The following PIGK variants were observed in gnomAD, a reference collection of about 807,000 sequenced individuals.
PIGK encodes GPI-anchor transamidase.
Under a neutral mutation model 50.6 loss-of-function variants are expected in PIGK, and 42 were observed. The ratio of observed to expected loss-of-function variants is 0.83; its 90% confidence interval spans 0.65 to 1.07. The LOEUF is 1.07. Ranked by LOEUF, PIGK falls within the 50% of genes least tolerant of loss-of-function variation. The pLI is 0.00. For synonymous variants in PIGK, 151 were observed against 156.0 expected, an observed-to-expected ratio of 0.97 and a Z score of 0.24; for missense variants, 448 against 488.7, an observed-to-expected ratio of 0.92 and a Z score of 0.78.
chr1:77,171,768 T>C (rs982446140), intron 3 of PIGK, among the ~76,000 whole-genome samples: 2 of 148,138 alleles, frequency 1.4e-5, no homozygotes, highest in Non-Finnish European at 2.9e-5. Flanking sequence ...TAATTCACTG[T>C]TTCTAAAACT....
At chr1:77,194,344 C>A (rs1232412194) in intron 3 of PIGK, among the ~76,000 whole-genome samples, 1 of 151,742 alleles carries the variant, frequency 6.6e-6, no homozygotes, top group Non-Finnish European at 1.5e-5. Context: ...GAATATAAGT[C>A]ATTCTACTTT....
At chr1:77,189,311 G>T (rs375745448) in intron 3 of PIGK, among the ~76,000 whole-genome samples, 1 of 152,134 alleles carries the variant, frequency 6.6e-6, no homozygotes, top group South Asian at 2.1e-4. Context: ...GTTGACAAGG[G>T]ATAGACTTGT....
intron 9 of PIGK, among the ~76,000 whole-genome samples, chr1:77,149,627 G>T (rs1231592700): frequency 2.0e-5 from 3 of 152,004 alleles, no homozygotes; most frequent in Non-Finnish European, 4.4e-5. Flanking sequence ...TAAAGGAAGA[G>T]GCAAACTGTA....
chr1:77,133,584 T>C (rs1654430281), intron 9 of PIGK, among the ~76,000 whole-genome samples: 1 of 152,206 alleles, frequency 6.6e-6, no homozygotes, highest in Admixed American at 6.5e-5. Flanking sequence ...AGAAAGGTTA[T>C]ATACAGTGTT....
intron 9 of PIGK, among the ~76,000 whole-genome samples, chr1:77,123,353 G>A (rs946538727): frequency 4.6e-5 from 7 of 152,116 alleles, no homozygotes; most frequent in Admixed American, 2.0e-4. Context: ...GATTGGCTAA[G>A]TCTCTAGGGC....
In PIGK at chr1:77,147,932, C is replaced by A. The variant is rs1654807061; in HGVS notation, c.986+6517G>T. 5.9e-5 allele frequency among the ~76,000 whole-genome samples: 9 copies of A among 152,270 alleles called. No homozygotes were observed. The South Asian group carries it at 1.7e-3, about 28-fold the overall frequency. ...AATTCTTATTTCATAAAGGTACTCCCAATCAGTTTTATGTACTAAAGTTCT... is the reference window on the plus strand; with the variant it reads ...AATTCTTATTTCATAAAGGTACTCCAAATCAGTTTTATGTACTAAAGTTCT... On this transcript the variant is annotated intron_variant, in intron 9 of 10. Transcript: ENST00000370812.
At chr1:77,203,177 T>C (rs1656210264) in intron 3 of PIGK, among the ~76,000 whole-genome samples, 2 of 152,186 alleles carry the variant, frequency 1.3e-5, no homozygotes. Flanking sequence ...AACTGCAATT[T>C]ATGTGCTATT....
chr1:77,187,143 A>G (rs541936004), intron 3 of PIGK, among the ~76,000 whole-genome samples: 5 of 152,188 alleles, frequency 3.3e-5, no homozygotes, highest in Non-Finnish European at 7.3e-5. Context: ...TGGTCTTACC[A>G]TGTTCCCCAT....
rs1653261597 is a variant in PIGK at position 77,090,028 on chromosome 1, A to G, written c.*2346T>C. ...AAAGCTACATAAGTGCACTGTGACC[A>G]TTAACTTCCCCTTTGGTATCCTCCT... On this transcript the variant is annotated 3_prime_UTR_variant, in exon 11 of 11. Coordinates refer to ENST00000370812, the MANE Select transcript of PIGK (RefSeq NM_005482.3). 2 of 152,248 alleles carry G rather than the reference A, an allele frequency of 1.3e-5. No homozygotes were observed. Among genetic ancestry groups the G allele is most frequent in the Admixed American group, 1.3e-4 (2 of 15,288 alleles). 9.4% of individuals were successfully genotyped at this position (152,248 alleles called of 1,614,324 possible). A position where few individuals can be genotyped will look rare whatever the true frequency, so the allele number is the denominator to read the frequency against.
At chr1:77,112,684 C>A (rs1021417145) in intron 10 of PIGK, among the ~76,000 whole-genome samples, 3 of 152,060 alleles carry the variant, frequency 2.0e-5, no homozygotes, top group African/African-American at 4.8e-5. Flanking sequence ...TAATTTCATT[C>A]TATTTTCTTC....
chr1:77,129,714 AAAATAAAT>A (rs144134062), intron 9 of PIGK: 160,245 of 915,262 alleles, frequency 0.18, 17,146 homozygotes, highest in East Asian at 0.36. Context: ...ATAAAAAATA[AAAATAAAT>A]AAATAAATAA....
intron 8 of PIGK, among the ~76,000 whole-genome samples, chr1:77,155,733 A>C (rs1262683665): frequency 2.0e-5 from 3 of 152,176 alleles, no homozygotes. Flanking sequence ...GAGGAAAAAT[A>C]TTATAGGCCT....
In PIGK at chr1:77,089,780, G is replaced by A. The variant is rs937531166; in HGVS notation, c.*2594C>T. On this transcript the variant is annotated 3_prime_UTR_variant, in exon 11 of 11. Transcript: ENST00000370812. ...AAACTACATTTTCCTTTCATAAACT[G>A]CAAATGAATGTCTTTCGTAATTTTA... The A allele has an allele frequency of 6.6e-6, 1 of 152,584 alleles. No individual in the cohort carries two copies. Among genetic ancestry groups the A allele is most frequent in the Non-Finnish European group, 1.5e-5 (1 of 68,022 alleles). 9.5% of individuals were successfully genotyped at this position (152,584 alleles called of 1,614,324 possible). A position where few individuals can be genotyped will look rare whatever the true frequency, so the allele number is the denominator to read the frequency against.
At chr1:77,163,972 A>AT (rs1275076926) in intron 5 of PIGK, 30 bp from the exon 6 acceptor site, 2 of 1,245,484 alleles carry the variant, frequency 1.6e-6, no homozygotes, top group Non-Finnish European at 1.2e-6. Flanking sequence ...AGATCAATAG[A>AT]TTTTTTAATG....
chr1:77,159,534 G>A (rs1215119047), intron 8 of PIGK, among the ~76,000 whole-genome samples: 3 of 152,212 alleles, frequency 2.0e-5, no homozygotes, highest in Admixed American at 2.0e-4. Flanking sequence ...CTCAATGCCA[G>A]CCCGTAAAAG....
Position 77,092,461 on chromosome 1 carries a change from A to G in PIGK, c.1101T>C (p.Pro367=). 6 of 1,600,108 alleles carry G rather than the reference A, an allele frequency of 3.7e-6. No individual in the cohort carries two copies. Among genetic ancestry groups the G allele is most frequent in the South Asian group, 3.4e-5 (3 of 88,496 alleles). ...CCCATAATCCCAGAATAAAGCCCCC[A>G]GGAGGATGCCAGTCTTTCAGCTTCG... is the stretch of plus-strand genomic sequence containing the variant. The part of the protein sequence containing the change: ...QKPKLKDWHP[P]GGFILGLWAL... Residue 367 remains proline (P), a synonymous_variant, in exon 11 of 11, where the codon CCT becomes CCC. Coordinates refer to ENST00000370812, the MANE Select transcript of PIGK (RefSeq NM_005482.3).
intron 3 of PIGK, 35 bp downstream of exon 3, chr1:77,206,605 G>A (rs757466348): frequency 2.8e-6 from 3 of 1,087,074 alleles, no homozygotes; most frequent in Non-Finnish European, 4.2e-6. Context: ...TATTTTCACT[G>A]AAGTTCAAGG....
chr1:77,158,816 T>C (rs72683913), intron 8 of PIGK, among the ~76,000 whole-genome samples: 5,638 of 152,242 alleles, frequency 0.037, 206 homozygotes, highest in South Asian at 0.21. Context: ...CATGAAGATA[T>C]GGTTTGGAAT....
chr1:77,196,861 C>T (rs1656050633), intron 3 of PIGK, among the ~76,000 whole-genome samples: 1 of 152,024 alleles, frequency 6.6e-6, no homozygotes, highest in Non-Finnish European at 1.5e-5. Flanking sequence ...GTTGTAATTG[C>T]TTTTGAGGAC....
Sources: gnomAD v4.1 joint callset for allele counts (sites outside exome capture counted in the v4.1 genomes callset) on GRCh38, gnomAD v4.1.1 for gene constraint, MANE v1.5 for transcripts, NCBI Gene and HGNC (gene_info 2026-07-23, HGNC 2026-07-21) for gene names.